MAN2B2: variants seen among roughly 807,000 people sequenced by gnomAD.
The protein encoded by MAN2B2 is mannosidase alpha class 2B member 2, also known as epididymis-specific alpha-mannosidase.
A neutral mutation model predicts 117.1 loss-of-function variants in MAN2B2; 106 were observed. The ratio of observed to expected loss-of-function variants is 0.90; its 90% CI spans 0.77 to 1.06. MAN2B2 has a LOEUF of 1.06. MAN2B2 is among the 50% of genes least tolerant of loss of function. The pLI is 0.00. For missense variants in MAN2B2, 1,326 were observed against 1,381.4 expected, an observed-to-expected ratio of 0.96 and a Z score of 0.64; for synonymous variants, 544 against 595.1, an observed-to-expected ratio of 0.91 and a Z score of 1.25.
At position 6,598,242 on chromosome 4, in the gene MAN2B2, G is replaced by A. The variant is rs758078717; in HGVS notation, c.1293G>A (p.Val431=). ...DAITGTESPK[V]RDMYATHLAS... is the part of the protein sequence containing the mutation. ...TCACTGGGACTGAGTCCCCCAAGGT[G>A]AGAGACATGTACGCAACGCACCTGG... The change falls in exon 9 of 19, where the codon GTG becomes GTA. Residue 431 remains valine (V), a synonymous_variant. Coordinates refer to ENST00000285599, the MANE Select transcript of MAN2B2 (RefSeq NM_015274.3). 1 of 1,613,692 alleles carries A rather than the reference G, an allele frequency of 6.2e-7. No individual in the cohort carries two copies. The highest frequency in any genetic ancestry group is 1.3e-5 in the African/African-American group (1 of 74,954).
At chr4:6,610,147 C>T (rs1727714279) in intron 13 of MAN2B2, 97 bp downstream of exon 13, 3 of 1,475,220 alleles carry the variant, frequency 2.0e-6, no homozygotes, top group African/African-American at 3.0e-5. Context: ...TAGAGGCCTC[C>T]AGTGAGAATG....
At chr4:6,597,988 A>G (rs28618259) in intron 8 of MAN2B2, among the ~76,000 whole-genome samples, 10,202 of 152,274 alleles carry the variant, frequency 0.067, 1,171 homozygotes, top group African/African-American at 0.23. Context: ...ATGGGGGACA[A>G]TGAGTTCCCA....
chr4:6,615,808 T>C (rs546822269), intron 16 of MAN2B2, among the ~76,000 whole-genome samples: 1 of 138,960 alleles, frequency 7.2e-6, no homozygotes, highest in Non-Finnish European at 1.6e-5. Context: ...TCTAAAAAAA[T>C]TTTTTTTTTC....
rs767569985 is a variant in MAN2B2, at chr4:6,609,985, G to A, written c.2194G>A (p.Asp732Asn). ...AAACAGCCAGCAGGTCATCTACTCA[G>A]ACAACAACGGCTACCAGATGCAGCG... is the stretch of plus-strand genomic sequence containing the variant. ...NLNSQQVIYSDNNGYQMQRRP... is the reference protein window; with the variant it reads ...NLNSQQVIYSNNNGYQMQRRP... The change falls in exon 13 of 19, where the codon GAC becomes AAC. Residue 732 changes from aspartate (D) to asparagine (N), a missense_variant. Physicochemically the swap from Asp to Asn is conservative, Grantham distance 23. Coordinates refer to ENST00000285599, the MANE Select transcript of MAN2B2 (RefSeq NM_015274.3). 3.1e-6 allele frequency: 5 copies of A among 1,614,166 alleles called. No homozygotes were observed. The South Asian group carries it at 5.5e-5, about 18-fold the overall frequency.
intron 16 of MAN2B2, among the ~76,000 whole-genome samples, chr4:6,614,735 C>T (rs2108758477): frequency 6.6e-6 from 1 of 152,338 alleles, no homozygotes; most frequent in Non-Finnish European, 1.5e-5. Flanking sequence ...ACTCATCCTC[C>T]AAGTTCAGGC....
intron 9 of MAN2B2, among the ~76,000 whole-genome samples, chr4:6,599,463 C>T (rs368334746): frequency 1.2e-4 from 19 of 152,058 alleles, no homozygotes; most frequent in South Asian, 1.2e-3. Flanking sequence ...GAGATCGAGA[C>T]CATCCTGGCT....
chr4:6,610,588 C>T (rs538590923), intron 13 of MAN2B2, among the ~76,000 whole-genome samples: 4 of 152,360 alleles, frequency 2.6e-5, no homozygotes, highest in East Asian at 1.9e-4. Context: ...GCTTGTGCCT[C>T]GGTTTCCTCT....
At chr4:6,600,502 G>A in intron 9 of MAN2B2, 121 bp from the exon 10 acceptor site, 1 of 1,175,000 alleles carries the variant, frequency 8.5e-7, no homozygotes, top group Non-Finnish European at 1.2e-6. Flanking sequence ...GCTCCCCTGG[G>A]AGTTCTGGAG....
chr4:6,600,835 A>C, intron 10 of MAN2B2, 79 bp downstream of exon 10: 1 of 1,543,278 alleles, frequency 6.5e-7, no homozygotes, highest in Non-Finnish European at 8.8e-7. Context: ...GTCTCTTCTG[A>C]CCCTGCAAGG....
intron 3 of MAN2B2, among the ~76,000 whole-genome samples, chr4:6,583,489 C>T (rs1726521131): frequency 6.6e-6 from 1 of 152,212 alleles, no homozygotes; most frequent in South Asian, 2.1e-4. Flanking sequence ...GGTCATGAAT[C>T]ACCCTGAAGT....
chr4:6,593,450 A>G, intron 6 of MAN2B2, 100 bp downstream of exon 6: 3 of 1,238,722 alleles, frequency 2.4e-6, no homozygotes, highest in Non-Finnish European at 3.2e-6. Flanking sequence ...AGACCCAGCT[A>G]GGCAGCCATG....
intron 7 of MAN2B2, among the ~76,000 whole-genome samples, chr4:6,595,151 AT>A (rs1196845861): frequency 6.6e-6 from 1 of 152,186 alleles, no homozygotes; most frequent in Non-Finnish European, 1.5e-5. Context: ...CCTCCTGTGC[AT>A]CATGCCTGTG....
Position 6,598,349 on chromosome 4 carries a change from G to A in MAN2B2, c.1400G>A (p.Ser467Asn), listed in dbSNP as rs1275365383. The change falls in exon 9 of 19, where the codon AGC becomes AAC. Residue 467 changes from serine (S) to asparagine (N), a missense_variant. Coordinates refer to ENST00000285599, the MANE Select transcript of MAN2B2 (RefSeq NM_015274.3). ...CAGCCCCAGGCACCCATGGCGGCCA[G>A]CTCCGGTGAGCAGGGCCCTGCAGGG... ...ELQPQAPMAASSDAGPAGHFA... is the reference protein window; with the variant it reads ...ELQPQAPMAANSDAGPAGHFA... 1 of 1,611,642 alleles carries A rather than the reference G, an allele frequency of 6.2e-7. No individual in the cohort carries two copies. Among genetic ancestry groups the A allele is most frequent in the African/African-American group, 1.3e-5 (1 of 74,916 alleles).
intron 15 of MAN2B2, among the ~76,000 whole-genome samples, chr4:6,611,654 C>T (rs1234002987): frequency 6.6e-6 from 1 of 152,136 alleles, no homozygotes; most frequent in Admixed American, 6.5e-5. Flanking sequence ...GGCATGGTGG[C>T]GCATGCCTGT....
chr4:6,586,957 C>A lies in MAN2B2; in HGVS notation c.392-39C>A, dbSNP rs751124243. 6.9e-6 allele frequency: 11 copies of A among 1,585,736 alleles called. No homozygotes were observed. The African/African-American group carries it at 1.3e-4, about 19-fold the overall frequency. On this transcript the variant is annotated intron_variant, in intron 3 of 18. Transcript: ENST00000285599. ...AGGATGGGGCCGGGAGGCACAGGCC[C>A]GCCCTCCAGGCACCAGCAGGGTGTT...
intron 16 of MAN2B2, among the ~76,000 whole-genome samples, chr4:6,616,807 C>CA (rs1711897829): frequency 6.6e-6 from 1 of 152,176 alleles, no homozygotes; most frequent in African/African-American, 2.4e-5. Flanking sequence ...CCTCCCTCTG[C>CA]CGCGCACCAG....
At chr4:6,592,764 G>A (rs1162349938) in intron 5 of MAN2B2, among the ~76,000 whole-genome samples, 2 of 152,210 alleles carry the variant, frequency 1.3e-5, no homozygotes, top group East Asian at 1.9e-4. Context: ...AGAGAAAGAT[G>A]TTAAATACTG....
intron 15 of MAN2B2, 67 bp from the exon 16 acceptor site, chr4:6,614,151 G>A (rs984376485): frequency 6.3e-7 from 1 of 1,576,722 alleles, no homozygotes; most frequent in Non-Finnish European, 8.6e-7. Context: ...AATGTGCAGA[G>A]CTCTGAGTGC....
At chr4:6,605,864 CACCT>C (rs775428398) in intron 11 of MAN2B2, among the ~76,000 whole-genome samples, 17 of 152,124 alleles carry the variant, frequency 1.1e-4, no homozygotes, top group South Asian at 2.1e-4. Flanking sequence ...TCTACCCACC[CACCT>C]ATGTACCTAC....
Sources: gnomAD v4.1 joint callset for allele counts (sites outside exome capture counted in the v4.1 genomes callset) on GRCh38, gnomAD v4.1.1 for gene constraint, MANE v1.5 for transcripts, NCBI Gene and HGNC (gene_info 2026-07-23, HGNC 2026-07-21) for gene names.